Variants in SWT1 observed in about 807,000 individuals in gnomAD.
SWT1 encodes the protein SWT1 RNA endoribonuclease homolog.
A neutral mutation model predicts 107.3 loss-of-function variants in SWT1; 33 were observed. That is an observed-to-expected ratio of 0.31 (90% CI 0.23 to 0.41). SWT1 has a LOEUF of 0.41. SWT1 is among the 10% of genes least tolerant of loss of function. The probability of loss-of-function intolerance (pLI) is 1.00; values close to 1 mark genes in which losing one functional copy is unlikely to be tolerated. For missense variants in SWT1, 898 were observed against 1,028.9 expected, an observed-to-expected ratio of 0.87 and a Z score of 1.74; for synonymous variants, 345 against 348.3, an observed-to-expected ratio of 0.99 and a Z score of 0.11.
chr1:185,172,361 T>C lies in SWT1; in HGVS notation c.225-2011T>C, dbSNP rs148651147. On this transcript the variant is annotated intron_variant, in intron 4 of 18. Coordinates refer to ENST00000367500, the MANE Select transcript of SWT1 (RefSeq NM_017673.7). The stretch of plus-strand genomic sequence containing the variant: ...GATTTGTATCCTGCTTGTTTTTGAT[T>C]TTCAATATGTTTTATGTCACTGAAG... 2.5e-3 allele frequency among the ~76,000 whole-genome samples: 375 copies of C among 152,266 alleles called. 2 individuals carry two copies. Among genetic ancestry groups the C allele is most frequent in the Non-Finnish European group, 3.1e-3 (214 of 68,028 alleles).
intron 7 of SWT1, among the ~76,000 whole-genome samples, chr1:185,182,683 AAAAAAAAAAG>A (rs1175113268): frequency 1.3e-5 from 2 of 151,326 alleles, no homozygotes; most frequent in Non-Finnish European, 3.0e-5. Flanking sequence ...AAAAAAAAAA[AAAAAAAAAAG>A]AAAGAATGCA....
At chr1:185,273,297 C>T (rs868177872) in intron 17 of SWT1, among the ~76,000 whole-genome samples, 2 of 152,124 alleles carry the variant, frequency 1.3e-5, no homozygotes, top group South Asian at 2.1e-4. Flanking sequence ...CCCAGCTACT[C>T]GTAAGGCTGA....
intron 10 of SWT1, among the ~76,000 whole-genome samples, chr1:185,197,442 G>T (rs530450259): frequency 7.2e-5 from 11 of 152,302 alleles, no homozygotes; most frequent in African/African-American, 2.6e-4. Flanking sequence ...TTGCATCTCT[G>T]CCAGGTTTTG....
At chr1:185,238,995 G>C (rs995923765) in intron 16 of SWT1, among the ~76,000 whole-genome samples, 3 of 151,968 alleles carry the variant, frequency 2.0e-5, no homozygotes, top group Non-Finnish European at 4.4e-5. Flanking sequence ...AGTTTCATTT[G>C]GTTTTGAGAT....
chr1:185,242,102 G>T (rs551146738), intron 16 of SWT1, among the ~76,000 whole-genome samples: 1 of 152,118 alleles, frequency 6.6e-6, no homozygotes, highest in East Asian at 1.9e-4. Flanking sequence ...TAGACTCAGG[G>T]AATATAAGCA....
intron 16 of SWT1, among the ~76,000 whole-genome samples, chr1:185,241,881 A>C (rs77813880): frequency 0.057 from 8,705 of 152,196 alleles, 597 homozygotes; most frequent in African/African-American, 0.16. Context: ...AAGGAGAAAG[A>C]CTGGAAGAGA....
At chr1:185,190,480 C>T in intron 9 of SWT1, 69 bp from the exon 10 acceptor site, 1 of 882,954 alleles carries the variant, frequency 1.1e-6, no homozygotes. Context: ...GTAAATACAG[C>T]CTAGATTATT....
chr1:185,160,191 C>T (rs1010580480), intron 1 of SWT1, among the ~76,000 whole-genome samples: 1 of 152,042 alleles, frequency 6.6e-6, no homozygotes, highest in Non-Finnish European at 1.5e-5. Flanking sequence ...GACTAATTGG[C>T]TTTGAAGTGT....
chr1:185,217,443 A>G (rs150134345), intron 14 of SWT1, among the ~76,000 whole-genome samples: 19 of 152,314 alleles, frequency 1.2e-4, no homozygotes, highest in African/African-American at 4.6e-4. Context: ...TGTGCATACA[A>G]GGGATCTGGG....
chr1:185,263,095 C>A (rs1483495865), intron 16 of SWT1, among the ~76,000 whole-genome samples: 1 of 152,116 alleles, frequency 6.6e-6, no homozygotes, highest in East Asian at 1.9e-4. Context: ...CCCAAATTTT[C>A]TCTTCTTATT....
intron 15 of SWT1, among the ~76,000 whole-genome samples, chr1:185,230,730 T>TTGTGTGTG (rs139516173): frequency 1.1e-4 from 16 of 149,454 alleles, no homozygotes; most frequent in African/African-American, 3.7e-4. Context: ...GTTTGGTGTT[T>TTGTGTGTG]TGTGTGTGTG....
chr1:185,268,504 G>C (rs1663563801), intron 16 of SWT1, among the ~76,000 whole-genome samples: 1 of 152,156 alleles, frequency 6.6e-6, no homozygotes, highest in Non-Finnish European at 1.5e-5. Context: ...GTGAGGCTTT[G>C]AGCTACTCTG....
chr1:185,257,157 T>G (rs888856519), intron 16 of SWT1, among the ~76,000 whole-genome samples: 2 of 152,146 alleles, frequency 1.3e-5, no homozygotes, highest in African/African-American at 4.8e-5. Context: ...TCCAGCTGTG[T>G]GCTGGGAGAA....
chr1:185,278,108 A>G (rs138504727), intron 18 of SWT1, among the ~76,000 whole-genome samples: 117 of 152,220 alleles, frequency 7.7e-4, no homozygotes, highest in African/African-American at 2.7e-3. Context: ...GATTACAGGC[A>G]TGAGCCACCA....
At chr1:185,182,953 T>C (rs1656151217) in intron 7 of SWT1, among the ~76,000 whole-genome samples, 1 of 151,856 alleles carries the variant, frequency 6.6e-6, no homozygotes, top group Admixed American at 6.6e-5. Flanking sequence ...CTGGCCAACA[T>C]AGTGAAACCC....
intron 16 of SWT1, among the ~76,000 whole-genome samples, chr1:185,250,673 T>A (rs992798494): frequency 9.2e-5 from 14 of 152,190 alleles, no homozygotes; most frequent in Admixed American, 2.0e-4. Flanking sequence ...AATTTAATTT[T>A]ATTTTTTGAG....
At chr1:185,278,700 G>GCATT (rs1664415541) in intron 18 of SWT1, among the ~76,000 whole-genome samples, 1 of 152,160 alleles carries the variant, frequency 6.6e-6, no homozygotes, top group African/African-American at 2.4e-5. Context: ...TGTCGCCACT[G>GCATT]CATTGTATAG....
At chr1:185,278,190 G>T (rs1243361409) in intron 18 of SWT1, among the ~76,000 whole-genome samples, 1 of 152,166 alleles carries the variant, frequency 6.6e-6, no homozygotes, top group East Asian at 1.9e-4. Context: ...GCTAATGCTT[G>T]TGTACCCTCC....
intron 16 of SWT1, among the ~76,000 whole-genome samples, chr1:185,265,650 TA>T (rs1663319799): frequency 6.6e-6 from 1 of 152,340 alleles, no homozygotes; most frequent in African/African-American, 2.4e-5. Context: ...ATAGGTTAAT[TA>T]GCCTTTTTTG....
Sources: allele counts gnomAD v4.1 joint callset (sites outside exome capture counted in the v4.1 genomes callset), GRCh38; gene constraint gnomAD v4.1.1; transcripts MANE v1.5; gene names NCBI Gene and HGNC (gene_info 2026-07-23, HGNC 2026-07-21).